The following HECTD4 variants were observed in gnomAD, a reference collection of about 807,000 sequenced individuals.
HECTD4 encodes the protein probable E3 ubiquitin-protein ligase HECTD4.
A neutral mutation model predicts 471.5 loss-of-function variants in HECTD4; 114 were observed. The observed-to-expected ratio is 0.24, with a 90% CI of 0.21 to 0.28. The LOEUF is 0.28. Ranked by LOEUF, HECTD4 falls within the 10% of genes least tolerant of loss-of-function variation. The probability of loss-of-function intolerance (pLI) is 1.00; values close to 1 mark genes in which losing one functional copy is unlikely to be tolerated. For missense variants in HECTD4, 3,866 were observed against 5,651.5 expected (o/e 0.68, Z 10.13); for synonymous variants, 2,012 against 2,256.0 (o/e 0.89, Z 3.07).
intron 34 of HECTD4, among the ~76,000 whole-genome samples, chr12:112,238,113 A>G (rs1035120629): frequency 6.6e-6 from 1 of 152,186 alleles, no homozygotes; most frequent in Non-Finnish European, 1.5e-5. Context: ...TGCCTGGCAT[A>G]TAATAGACTC....
At chr12:112,183,005 G>T in intron 62 of HECTD4, 54 bp downstream of exon 62, 1 of 1,300,908 alleles carries the variant, frequency 7.7e-7, no homozygotes, top group South Asian at 1.2e-5. Context: ...TTTTCTGTGA[G>T]CCTAAAATTG....
chr12:112,279,483 T>A, intron 8 of HECTD4, 97 bp from the exon 9 acceptor site: 1 of 1,017,354 alleles, frequency 9.8e-7, no homozygotes, highest in Non-Finnish European at 1.4e-6. Context: ...AGACCCAAAC[T>A]CAAACAAAGA....
intron 1 of HECTD4, among the ~76,000 whole-genome samples, chr12:112,334,671 GGTGTGGTGA>G (rs2035911212): frequency 6.7e-6 from 1 of 150,366 alleles, no homozygotes; most frequent in South Asian, 2.1e-4. Flanking sequence ...TAGCCGGCAT[GGTGTGGTGA>G]GTGCCTGTAA....
At position 112,162,183 on chromosome 12, in the gene HECTD4, A is replaced by G. The variant is rs552456285; in HGVS notation, c.*204T>C. 1 of 570,682 alleles carries G rather than the reference A, an allele frequency of 1.8e-6. No individual in the cohort carries two copies. Among genetic ancestry groups the G allele is most frequent in the South Asian group, 2.3e-5 (1 of 43,994 alleles). 35.4% of individuals were successfully genotyped at this position (570,682 alleles called of 1,614,324 possible). On this transcript the variant is annotated 3_prime_UTR_variant, in exon 76 of 76. Coordinates refer to ENST00000682272, the MANE Select transcript of HECTD4 (RefSeq NM_001388303.1). The surrounding 1 kb of genome is among the most constrained non-coding windows in gnomAD (Gnocchi z 5.2). ...TCCTACAAATAGACCACAAACAGGCAGCAAAAGAACCAACCCATCACGAAA... is the reference window on the plus strand; with the variant it reads ...TCCTACAAATAGACCACAAACAGGCGGCAAAAGAACCAACCCATCACGAAA...
rs1438064553 is a variant in HECTD4, at chr12:112,259,237, C to A, written c.2902G>T (p.Ala968Ser). 1.2e-6 allele frequency: 2 copies of A among 1,613,758 alleles called. No individual in the cohort carries two copies. The highest frequency in any genetic ancestry group is 1.7e-6 in the Non-Finnish European group (2 of 1,179,850). The change falls in exon 19 of 76, where the codon GCT becomes TCT. Residue 968 changes from alanine to serine, a missense_variant. Coordinates refer to ENST00000682272, the MANE Select transcript of HECTD4 (RefSeq NM_001388303.1). ...GGAAGAAGGTGACCAAGCATAGTAGCCTTAGTAACTTGTTCCAAGCCTTTT... is the reference window on the plus strand; with the variant it reads ...GGAAGAAGGTGACCAAGCATAGTAGACTTAGTAACTTGTTCCAAGCCTTTT... ...RLKGLEQVTK[A>S]TMLGHLLPVL...
intron 60 of HECTD4, among the ~76,000 whole-genome samples, chr12:112,189,399 A>C (rs995909671): frequency 2.6e-5 from 4 of 151,632 alleles, no homozygotes; most frequent in Non-Finnish European, 5.9e-5. Flanking sequence ...AAAAATACAA[A>C]AAATTGGCCA....
chr12:112,309,507 T>G, intron 5 of HECTD4, 54 bp downstream of exon 5: 1 of 779,808 alleles, frequency 1.3e-6, no homozygotes, highest in Non-Finnish European at 2.1e-6. Flanking sequence ...CAGAGATTTA[T>G]GTAAGGAGGA....
Position 112,210,044 on chromosome 12 carries a change from C to T in HECTD4, c.7838G>A (p.Arg2613Gln), listed in dbSNP as rs2032715722. ...CTGAGCGGTGGCCACGGCAGCAATC[C>T]GGCATGGTGGCCCATGAGTGCCTGG... ...SDPGTHGPPCRIAAVATAQQQ... is the reference protein window; with the variant it reads ...SDPGTHGPPCQIAAVATAQQQ... Residue 2613 changes from arginine (R) to glutamine (Q), a missense_variant, in exon 50 of 76, where the codon CGG becomes CAG. Physicochemically the swap from Arg to Gln is conservative, Grantham distance 43. This residue lies in a region of HECTD4 where 266 missense variants were observed against 441.6 expected (regional missense o/e 0.60). Transcript: ENST00000682272. 13 of 1,613,868 alleles carry T rather than the reference C, an allele frequency of 8.1e-6. No individual in the cohort carries two copies. The highest frequency in any genetic ancestry group is 3.3e-5 in the South Asian group (3 of 91,054).
intron 8 of HECTD4, among the ~76,000 whole-genome samples, chr12:112,282,730 ATATC>A (rs1310450873): frequency 6.6e-6 from 1 of 152,232 alleles, no homozygotes; most frequent in Admixed American, 6.5e-5. Flanking sequence ...AAAAAACAAA[ATATC>A]TACTGTAGAA....
chr12:112,284,795 T>C (rs1408537209), intron 7 of HECTD4, among the ~76,000 whole-genome samples: 1 of 152,082 alleles, frequency 6.6e-6, no homozygotes, highest in Non-Finnish European at 1.5e-5. Flanking sequence ...TCTGATTCCT[T>C]AGTGTTGGTG....
At chr12:112,199,307 A>C (rs1211254919) in intron 55 of HECTD4, among the ~76,000 whole-genome samples, 1 of 152,156 alleles carries the variant, frequency 6.6e-6, no homozygotes, top group African/African-American at 2.4e-5. Context: ...TATGTGACCT[A>C]TTTTGGTCTT....
chr12:112,368,029 G>C (rs2036600826), intron 1 of HECTD4, among the ~76,000 whole-genome samples: 4 of 152,072 alleles, frequency 2.6e-5, no homozygotes, highest in Admixed American at 2.6e-4. Flanking sequence ...TATTTTGTTA[G>C]TATAAAACCA....
At chr12:112,250,450 G>C in intron 24 of HECTD4, 73 bp from the exon 25 acceptor site, 1 of 1,050,064 alleles carries the variant, frequency 9.5e-7, no homozygotes. Context: ...GATGTTTGCA[G>C]ATACATCAAA....
At position 112,235,691 on chromosome 12, in the gene HECTD4, G is replaced by T. The variant is rs762564101; in HGVS notation, c.5538C>A (p.Val1846=). 6.2e-7 allele frequency: 1 copy of T among 1,614,020 alleles called. No homozygotes were observed. Among genetic ancestry groups the T allele is most frequent in the East Asian group, 2.2e-5 (1 of 44,890 alleles). ...CCCGGCACAGCTGGAGAATAATAAG[G>T]ACTAGCTTTGGAGACGGGCGTTGGT... ...LLDQRPSPKL[V]LIILQLCRAA... The change falls in exon 36 of 76, where the codon GTC becomes GTA. Residue 1846 remains valine, a synonymous_variant. Coordinates refer to ENST00000682272, the MANE Select transcript of HECTD4 (RefSeq NM_001388303.1). This position sits in a 1 kb window ranked among gnomAD's most constrained non-coding sequence, Gnocchi z 5.0.
chr12:112,235,824 G>A lies in HECTD4; in HGVS notation c.5445-40C>T. 1 of 1,542,372 alleles carries A rather than the reference G, an allele frequency of 6.5e-7. No individual in the cohort carries two copies. The highest frequency in any genetic ancestry group is 8.8e-7 in the Non-Finnish European group (1 of 1,137,982). Reference sequence around the variant, plus strand: ...AGAAAAGGTACACAGTGCTAGAAATGTTGATCTATAGACATTCAGAAGCAA... The same window carrying A: ...AGAAAAGGTACACAGTGCTAGAAATATTGATCTATAGACATTCAGAAGCAA... On this transcript the variant is annotated intron_variant, in intron 35 of 75. Transcript: ENST00000682272. The surrounding 1 kb of genome is among the most constrained non-coding windows in gnomAD (Gnocchi z 5.0).
At chr12:112,321,504 G>C (rs2035583637) in intron 1 of HECTD4, among the ~76,000 whole-genome samples, 2 of 152,198 alleles carry the variant, frequency 1.3e-5, no homozygotes, top group Non-Finnish European at 1.5e-5. Context: ...CAGTAGACCA[G>C]AAAGTCAGGG....
intron 60 of HECTD4, among the ~76,000 whole-genome samples, chr12:112,189,108 C>T (rs2031986802): frequency 6.6e-6 from 1 of 152,174 alleles, no homozygotes; most frequent in Non-Finnish European, 1.5e-5. Flanking sequence ...ATCCTCTTGC[C>T]TCAGCCTCTC....
rs752623608 is a variant in HECTD4 at position 112,171,055 on chromosome 12, C to T, written c.11932+62G>A. 9 of 1,438,202 alleles carry T rather than the reference C, an allele frequency of 6.3e-6. No homozygotes were observed. In the Admixed American group the frequency reaches 1.0e-4, roughly 17 times the overall value. 89.1% of individuals were successfully genotyped at this position (1,438,202 alleles called of 1,614,324 possible). A position where few individuals can be genotyped will look rare whatever the true frequency, so the allele number is the denominator to read the frequency against. On this transcript the variant is annotated intron_variant, in intron 68 of 75. Transcript: ENST00000682272. ...CAAGGACGCTGCCCGTGGATTCTGG[C>T]CCTGGTGTCTTGCAGGTCACCTCTC...
chr12:112,342,760 C>G (rs1035663181), intron 1 of HECTD4, among the ~76,000 whole-genome samples: 3 of 152,200 alleles, frequency 2.0e-5, no homozygotes, highest in Non-Finnish European at 4.4e-5. Context: ...GCCAAAACCA[C>G]GTATGCCAAA....
Sources: allele counts gnomAD v4.1 joint callset (sites outside exome capture counted in the v4.1 genomes callset), GRCh38; gene constraint gnomAD v4.1.1; regional missense constraint gnomAD v4.1.1; non-coding constraint Gnocchi (gnomAD v3.1); transcripts MANE v1.5; gene names NCBI Gene and HGNC (gene_info 2026-07-23, HGNC 2026-07-21).